Variants in USP32 observed in about 807,000 individuals in gnomAD.
The protein encoded by USP32 is ubiquitin specific peptidase 32.
USP32 carries 59 observed loss-of-function variants against 204.8 expected under a neutral mutation model. The observed-to-expected ratio is 0.29, with a 90% CI of 0.23 to 0.36. USP32 has a LOEUF of 0.36. USP32 is among the 10% of genes least tolerant of loss of function. The pLI is 1.00. For missense variants in USP32, 1,160 were observed against 1,946.4 expected, an observed-to-expected ratio of 0.60 and a Z score of 7.60; for synonymous variants, 517 against 678.4, an observed-to-expected ratio of 0.76 and a Z score of 3.70.
At chr17:60,339,457 C>A (rs749018694) in intron 2 of USP32, among the ~76,000 whole-genome samples, 1 of 151,676 alleles carries the variant, frequency 6.6e-6, no homozygotes, top group South Asian at 2.1e-4. Flanking sequence ...GTGGTGGGCA[C>A]CTGCAATCCC....
At chr17:60,338,018 T>C (rs925583364) in intron 2 of USP32, among the ~76,000 whole-genome samples, 5 of 152,222 alleles carry the variant, frequency 3.3e-5, no homozygotes, top group Admixed American at 2.0e-4. Flanking sequence ...AGAAAAACAA[T>C]GTTGGCTAAA....
Position 60,371,271 on chromosome 17 carries a change from A to G in USP32, c.58+20611T>C, listed in dbSNP as rs552727086. Among the ~76,000 whole-genome samples, 15 of 149,690 alleles carry G rather than the reference A, an allele frequency of 1.0e-4. No homozygotes were observed. The East Asian group carries it at 2.9e-3, about 29-fold the overall frequency. Reference sequence around the variant, plus strand: ...TAAAAATTAAAAAAAAAAAAAAAAAAAAAAAAATTAAATGGCCGGGCGCAG... The same window carrying G: ...TAAAAATTAAAAAAAAAAAAAAAAAGAAAAAAATTAAATGGCCGGGCGCAG... On this transcript the variant is annotated intron_variant, in intron 1 of 33. Coordinates refer to ENST00000300896, the MANE Select transcript of USP32 (RefSeq NM_032582.4).
At chr17:60,246,417 T>A (rs34979038) in intron 11 of USP32, among the ~76,000 whole-genome samples, 14,630 of 148,712 alleles carry the variant, frequency 0.098, 935 homozygotes, top group African/African-American at 0.18. Context: ...ATATATATTT[T>A]TTTTTTTTCT....
chr17:60,243,046 C>A (rs1326117819), intron 11 of USP32, among the ~76,000 whole-genome samples: 4 of 152,188 alleles, frequency 2.6e-5, no homozygotes, highest in Admixed American at 6.5e-5. Flanking sequence ...TGCTTTGTAT[C>A]TTTCAGTGCA....
chr17:60,335,449 T>C (rs571721350), intron 2 of USP32, among the ~76,000 whole-genome samples: 1 of 143,392 alleles, frequency 7.0e-6, no homozygotes, highest in South Asian at 2.1e-4. Flanking sequence ...AAGGTCTCTA[T>C]GTGATTTTCA....
At chr17:60,208,237 G>C in intron 23 of USP32, 27 bp from the exon 24 acceptor site, 4 of 1,561,702 alleles carry the variant, frequency 2.6e-6, no homozygotes, top group Non-Finnish European at 3.5e-6. Flanking sequence ...ATCTTTTATT[G>C]GTAAAATGCA....
intron 1 of USP32, among the ~76,000 whole-genome samples, chr17:60,354,114 T>C (rs1399394382): frequency 6.6e-6 from 1 of 152,248 alleles, no homozygotes; most frequent in Non-Finnish European, 1.5e-5. Flanking sequence ...TTCAATACTT[T>C]ATTATTACTC....
intron 2 of USP32, 34 bp from the exon 3 acceptor site, chr17:60,301,738 C>T: frequency 6.8e-7 from 1 of 1,464,130 alleles, no homozygotes; most frequent in Non-Finnish European, 9.3e-7. Flanking sequence ...CCTTAGGAGG[C>T]ATTTCAGTTG....
intron 5 of USP32, among the ~76,000 whole-genome samples, chr17:60,286,916 G>A (rs1311639765): frequency 1.3e-5 from 2 of 152,160 alleles, no homozygotes; most frequent in African/African-American, 4.8e-5. Context: ...GGGAGGCTGA[G>A]GCGGGTGGAT....
At chr17:60,190,997 G>A (rs1567753525) in intron 28 of USP32, among the ~76,000 whole-genome samples, 2 of 152,158 alleles carry the variant, frequency 1.3e-5, no homozygotes, top group Non-Finnish European at 2.9e-5. Context: ...AGATACTACA[G>A]CACTCAAGAA....
At chr17:60,217,389 G>A (rs35810606) in intron 16 of USP32, among the ~76,000 whole-genome samples, 3 of 152,076 alleles carry the variant, frequency 2.0e-5, no homozygotes, top group Non-Finnish European at 4.4e-5. Context: ...CTGCCTCCTG[G>A]GTTCAAGCAG....
intron 24 of USP32, chr17:60,207,712 C>T (rs143900080): frequency 0.018 from 3,249 of 182,370 alleles, 124 homozygotes; most frequent in African/African-American, 0.073. Flanking sequence ...CTAGTAACAG[C>T]GGTAATACAG....
chr17:60,407,368 A>G (rs921417636), intron 1 of USP32, among the ~76,000 whole-genome samples: 2 of 152,218 alleles, frequency 1.3e-5, no homozygotes, highest in African/African-American at 4.8e-5. Context: ...GCTAGGAAAC[A>G]TACAAATTAT....
chr17:60,187,904 G>A (rs1001456847), intron 29 of USP32, among the ~76,000 whole-genome samples: 4 of 152,146 alleles, frequency 2.6e-5, no homozygotes, highest in African/African-American at 9.7e-5. Flanking sequence ...AGGAAATGAA[G>A]TAATAGTTTT....
In USP32 at chr17:60,264,857, CAAAAAAA is replaced by C. The variant is rs34027846; in HGVS notation, c.990+548_990+554del. ...GCTGGGTGACAGAGCAAGACTCTGT[CAAAAAAA>C]AAAAAAAAAAAAAAAAAAGAGAGAG... On this transcript the variant is annotated intron_variant, in intron 9 of 33. Transcript: ENST00000300896. 5.8e-3 allele frequency among the ~76,000 whole-genome samples: 252 copies of C among 43,508 alleles called. 1 individual carries two copies. Among genetic ancestry groups the C allele is most frequent in the Non-Finnish European group, 7.9e-3 (174 of 22,100 alleles). 28.5% of individuals were successfully genotyped at this position (43,508 alleles called of 152,430 possible).
upstream of USP32, among the ~76,000 whole-genome samples, chr17:60,395,732 A>G (rs560698293): frequency 3.9e-5 from 6 of 152,330 alleles, no homozygotes; most frequent in Admixed American, 3.9e-4. Context: ...CCATATAAAG[A>G]TTTAAAGCAC....
At chr17:60,411,803 G>C (rs973433888) in intron 1 of USP32, among the ~76,000 whole-genome samples, 5 of 152,010 alleles carry the variant, frequency 3.3e-5, no homozygotes, top group Non-Finnish European at 7.4e-5. Context: ...TTATGTTGTA[G>C]TATATATGAG....
intron 8 of USP32, among the ~76,000 whole-genome samples, 159 bp from the exon 9 acceptor site, chr17:60,265,633 A>G (rs911743074): frequency 2.0e-5 from 3 of 152,216 alleles, no homozygotes; most frequent in African/African-American, 7.2e-5. Context: ...CCTGGGCTAA[A>G]GTGATCCTCC....
intron 2 of USP32, among the ~76,000 whole-genome samples, chr17:60,316,679 A>G (rs1181780143): frequency 1.3e-5 from 2 of 151,992 alleles, no homozygotes; most frequent in Non-Finnish European, 2.9e-5. Flanking sequence ...CGTCTCTACT[A>G]AAAATACAAA....
Sources: allele counts gnomAD v4.1 joint callset (sites outside exome capture counted in the v4.1 genomes callset), GRCh38; gene constraint gnomAD v4.1.1; transcripts MANE v1.5; gene names NCBI Gene and HGNC (gene_info 2026-07-23, HGNC 2026-07-21).